MEF2C: variants seen among roughly 807,000 people sequenced by gnomAD.
The protein encoded by MEF2C is myocyte-specific enhancer factor 2C.
Under a neutral mutation model 50.5 loss-of-function variants are expected in MEF2C, and 6 were observed. The ratio of observed to expected loss-of-function variants is 0.12; its 90% CI spans 0.07 to 0.23. The LOEUF (loss-of-function observed/expected upper bound fraction) is 0.23, where lower values mean the gene tolerates loss of function less well. MEF2C is among the 10% of genes least tolerant of loss of function. The pLI is 1.00. For missense variants in MEF2C, 276 were observed against 605.0 expected, an observed-to-expected ratio of 0.46 and a Z score of 5.70; for synonymous variants, 183 against 228.0, an observed-to-expected ratio of 0.80 and a Z score of 1.78.
intron 3 of MEF2C, among the ~76,000 whole-genome samples, chr5:88,770,921 C>G (rs956362255): frequency 1.3e-5 from 2 of 152,170 alleles, no homozygotes. Flanking sequence ...TAAAGACATA[C>G]CAAGACTGAG....
chr5:88,864,885 A>G (rs1035061239), intron 1 of MEF2C, among the ~76,000 whole-genome samples: 1 of 151,504 alleles, frequency 6.6e-6, no homozygotes, highest in Non-Finnish European at 1.5e-5. Context: ...ATTCTGCCTC[A>G]GCCTCCTGAG....
chr5:88,860,223 G>A (rs1187529514), intron 1 of MEF2C, among the ~76,000 whole-genome samples: 2 of 152,092 alleles, frequency 1.3e-5, no homozygotes, highest in Non-Finnish European at 2.9e-5. Flanking sequence ...AATGAATGAA[G>A]TACCTTCTAA....
At chr5:88,816,180 T>C (rs1198955309) in intron 2 of MEF2C, among the ~76,000 whole-genome samples, 1 of 152,056 alleles carries the variant, frequency 6.6e-6, no homozygotes, top group Non-Finnish European at 1.5e-5. Context: ...ATGAAAATGT[T>C]GGCCTCTCTC....
intron 3 of MEF2C, among the ~76,000 whole-genome samples, chr5:88,770,414 G>A (rs1041886884): frequency 6.6e-6 from 1 of 152,122 alleles, no homozygotes; most frequent in Non-Finnish European, 1.5e-5. Context: ...TTGAGTCTAT[G>A]CGTGATTAGT....
At chr5:88,761,519 G>C (rs1341883136) in intron 3 of MEF2C, among the ~76,000 whole-genome samples, 191 bp from the exon 4 acceptor site, 1 of 152,180 alleles carries the variant, frequency 6.6e-6, no homozygotes, top group Non-Finnish European at 1.5e-5. Flanking sequence ...AAAAATAAAA[G>C]CGAAAGATTC....
intron 1 of MEF2C, among the ~76,000 whole-genome samples, chr5:88,856,721 C>T (rs542464136): frequency 9.8e-5 from 15 of 152,346 alleles, no homozygotes; most frequent in East Asian, 5.8e-4. Flanking sequence ...GCGGCTTACA[C>T]GTGGTGTTGG....
In MEF2C at chr5:88,895,002, T is replaced by G. The variant is rs539822055; in HGVS notation, c.-239-7404A>C. Among the ~76,000 whole-genome samples the G allele has an allele frequency of 5.3e-5, 8 of 152,274 alleles. No individual in the cohort carries two copies. In the South Asian group the frequency reaches 1.7e-3, roughly 32 times the overall value. ...TGGCAGGAACTACCCATGATAATGATTTTGCCGAGAGAAGCACATGAAATT... is the reference window on the plus strand; with the variant it reads ...TGGCAGGAACTACCCATGATAATGAGTTTGCCGAGAGAAGCACATGAAATT... On this transcript the variant is annotated intron_variant, in intron 1 of 11. Coordinates refer to the MEF2C transcript ENST00000340208.
chr5:88,807,608 G>A (rs1801048701), intron 2 of MEF2C, among the ~76,000 whole-genome samples: 1 of 152,168 alleles, frequency 6.6e-6, no homozygotes, highest in Non-Finnish European at 1.5e-5. Flanking sequence ...TCTTAAGGCT[G>A]TTGTGAGGAT....
rs1363741800 is a variant in MEF2C at position 88,734,599 on chromosome 5, A to G, written c.638-2698T>C. On this transcript the variant is annotated intron_variant, in intron 6 of 10. Transcript: ENST00000504921. ...TTTTTTTTTTTTTTTTTTTTTTTTT[A>G]GCATTTTCTACAGTAAACTCTCTGA... 5.5e-5 allele frequency: 11 copies of G among 199,402 alleles called. No individual in the cohort carries two copies. In the Admixed American group the frequency reaches 4.2e-3, roughly 77 times the overall value. 12.4% of individuals were successfully genotyped at this position (199,402 alleles called of 1,614,324 possible). A position where few individuals can be genotyped will look rare whatever the true frequency, so the allele number is the denominator to read the frequency against.
intron 6 of MEF2C, chr5:88,742,030 T>C (rs1022633585): frequency 1.0e-5 from 10 of 985,296 alleles, no homozygotes; most frequent in Non-Finnish European, 1.2e-5. Context: ...AAACATACTA[T>C]GTAAGTGTAA....
At chr5:88,820,315 A>G (rs1807675097) in intron 2 of MEF2C, among the ~76,000 whole-genome samples, 1 of 151,980 alleles carries the variant, frequency 6.6e-6, no homozygotes, top group Non-Finnish European at 1.5e-5. Context: ...TATTTTACGT[A>G]TTGATGTTTC....
intron 1 of MEF2C, among the ~76,000 whole-genome samples, chr5:88,869,347 TC>T (rs1164717449): frequency 4.5e-5 from 6 of 133,646 alleles, no homozygotes; most frequent in Non-Finnish European, 8.5e-5. Context: ...AAATTGTCAT[TC>T]CTTAAAATAT....
intron 2 of MEF2C, among the ~76,000 whole-genome samples, chr5:88,809,790 T>C (rs183930060): frequency 2.6e-4 from 40 of 152,228 alleles, no homozygotes; most frequent in African/African-American, 9.4e-4. Flanking sequence ...CTGATTGTGG[T>C]ATTACTCCCA....
At chr5:88,775,938 C>G in intron 3 of MEF2C, 1 of 357,226 alleles carries the variant, frequency 2.8e-6, no homozygotes, top group Non-Finnish European at 3.9e-6. Context: ...GCATATTTAT[C>G]TCATTTATAA....
At chr5:88,733,381 T>C in intron 6 of MEF2C, 2 of 985,192 alleles carry the variant, frequency 2.0e-6, no homozygotes, top group Non-Finnish European at 2.4e-6. Flanking sequence ...AATTCCAGGC[T>C]AAAAGTCCTT....
chr5:88,847,559 C>T (rs573672425), intron 1 of MEF2C, among the ~76,000 whole-genome samples: 1 of 152,124 alleles, frequency 6.6e-6, no homozygotes, highest in Non-Finnish European at 1.5e-5. Context: ...AAGCACTTCC[C>T]TGCTTACATC....
intron 3 of MEF2C, among the ~76,000 whole-genome samples, chr5:88,765,742 T>G (rs557601973): frequency 1.3e-5 from 2 of 152,344 alleles, no homozygotes; most frequent in African/African-American, 4.8e-5. Flanking sequence ...ATACTGTCTC[T>G]CAGCTGACTG....
intron 6 of MEF2C, chr5:88,739,932 C>T: frequency 5.1e-6 from 5 of 985,164 alleles, no homozygotes; most frequent in Non-Finnish European, 4.8e-6. Context: ...AATAAAGGCT[C>T]CACTTTTTCT....
intron 3 of MEF2C, chr5:88,766,764 T>C (rs772491867): frequency 3.0e-6 from 3 of 985,420 alleles, no homozygotes; most frequent in African/African-American, 1.7e-5. Flanking sequence ...CTTCAGAGGG[T>C]TGATGTGTCA....
Sources: allele counts gnomAD v4.1 joint callset (sites outside exome capture counted in the v4.1 genomes callset), GRCh38; gene constraint gnomAD v4.1.1; transcripts MANE v1.5; gene names NCBI Gene and HGNC (gene_info 2026-07-23, HGNC 2026-07-21).